MCCC1: variants seen among roughly 807,000 people sequenced by gnomAD.
The protein encoded by MCCC1 is methylcrotonyl-CoA carboxylase subunit 1, also known as methylcrotonoyl-CoA carboxylase subunit alpha, mitochondrial.
Under a neutral mutation model 83.8 loss-of-function variants are expected in MCCC1, and 64 were observed. That is an observed-to-expected ratio of 0.76 (90% CI 0.62 to 0.94). The LOEUF is 0.94. Among genes scored for constraint, MCCC1 ranks in the 40% least tolerant of loss-of-function variants. The probability of loss-of-function intolerance (pLI) is 0.00; values close to 1 mark genes in which losing one functional copy is unlikely to be tolerated. For synonymous variants in MCCC1, 322 were observed against 315.4 expected (o/e 1.02, Z -0.22); for missense variants, 807 against 904.7 (o/e 0.89, Z 1.39).
At position 183,099,390 on chromosome 3, in the gene MCCC1, G is replaced by A. The variant is rs557695078; in HGVS notation, c.51C>T (p.Asn17=). The change falls in exon 1 of 19, where the codon AAC becomes AAT. Residue 17 remains asparagine (N), a synonymous_variant. Coordinates refer to ENST00000265594, the MANE Select transcript of MCCC1 (RefSeq NM_020166.5). ...GCAGGCTCGGGAGACGATGCCACCG[G>A]TTCCTCTCCGCCGCCACCAGCAGCA... is the stretch of plus-strand genomic sequence containing the variant. ...VSVLLVAAER[N]RWHRLPSLLL... is the part of the protein sequence containing the mutation. 9 of 1,604,960 alleles carry A rather than the reference G, an allele frequency of 5.6e-6. No individual in the cohort carries two copies. In the South Asian group the frequency reaches 1.0e-4, roughly 18 times the overall value.
At position 183,099,447 on chromosome 3, in the gene MCCC1, G is replaced by A. The variant is rs773555749; in HGVS notation, c.-7C>T. ...CCGCAGAGGCCGCCGCCATGTCCCT[G>A]GAGCCCGGCCACTCCGTGACTCCCC... On this transcript the variant is annotated 5_prime_UTR_variant, in exon 1 of 19. Transcript: ENST00000265594. 46 of 1,601,728 alleles carry A rather than the reference G, an allele frequency of 2.9e-5. No individual in the cohort carries two copies. Among genetic ancestry groups the A allele is most frequent in the Non-Finnish European group, 3.8e-5 (45 of 1,175,170 alleles).
intron 9 of MCCC1, among the ~76,000 whole-genome samples, chr3:183,049,587 A>G (rs1408728311): frequency 6.6e-6 from 1 of 151,878 alleles, no homozygotes; most frequent in Non-Finnish European, 1.5e-5. Context: ...AAAAAAAAGA[A>G]AAAAGAAAAG....
At chr3:183,045,899 T>G (rs1287278083) in intron 9 of MCCC1, among the ~76,000 whole-genome samples, 1 of 152,178 alleles carries the variant, frequency 6.6e-6, no homozygotes, top group Non-Finnish European at 1.5e-5. Flanking sequence ...CCTAACCCCA[T>G]GGAGAAAAAG....
intron 7 of MCCC1, among the ~76,000 whole-genome samples, chr3:183,063,648 T>C (rs1716017056): frequency 6.6e-6 from 1 of 152,200 alleles, no homozygotes; most frequent in African/African-American, 2.4e-5. Flanking sequence ...CTTTACTGTA[T>C]GAACTCGCCC....
chr3:183,034,254 T>C (rs1200618038), intron 13 of MCCC1, among the ~76,000 whole-genome samples, 177 bp from the exon 14 acceptor site: 1 of 151,908 alleles, frequency 6.6e-6, no homozygotes, highest in Non-Finnish European at 1.5e-5. Flanking sequence ...ATCGAGACCA[T>C]CCTAGCTAAC....
intron 10 of MCCC1, among the ~76,000 whole-genome samples, chr3:183,043,821 CT>C (rs1448996580): frequency 1.3e-5 from 2 of 152,174 alleles, no homozygotes; most frequent in Non-Finnish European, 2.9e-5. Flanking sequence ...CCTTAGAAAC[CT>C]TTTTTTCTCT....
intron 9 of MCCC1, among the ~76,000 whole-genome samples, chr3:183,047,068 A>T (rs1714611457): frequency 6.6e-6 from 1 of 152,104 alleles, no homozygotes; most frequent in South Asian, 2.1e-4. Context: ...AAATCCTCCC[A>T]TGCTTCCAGC....
In MCCC1 at chr3:183,089,605, C is replaced by A. The variant is rs574756786; in HGVS notation, c.273+2804G>T. On this transcript the variant is annotated intron_variant, in intron 3 of 18. Coordinates refer to ENST00000265594, the MANE Select transcript of MCCC1 (RefSeq NM_020166.5). ...CTCCAGCCTAGCTGACAGAGTGAGA[C>A]CCTGGCTCAAAAAAAAAGGTGACTG... Among the ~76,000 whole-genome samples the A allele has an allele frequency of 2.8e-4, 43 of 151,686 alleles. No individual in the cohort carries two copies. The East Asian group carries it at 7.9e-3, about 28-fold the overall frequency.
At chr3:183,059,570 T>C (rs1331051270) in intron 7 of MCCC1, among the ~76,000 whole-genome samples, 2 of 152,162 alleles carry the variant, frequency 1.3e-5, no homozygotes, top group Non-Finnish European at 2.9e-5. Context: ...GATAGGAAAA[T>C]ATTTTACTTC....
chr3:183,062,650 C>T (rs1715932517), intron 7 of MCCC1, among the ~76,000 whole-genome samples: 1 of 151,862 alleles, frequency 6.6e-6, no homozygotes, highest in South Asian at 2.1e-4. Context: ...CCACTGTGCC[C>T]AGCCTTGTCT....
intron 14 of MCCC1, among the ~76,000 whole-genome samples, chr3:183,027,194 T>C (rs556527343): frequency 2.9e-4 from 44 of 152,332 alleles, no homozygotes; most frequent in African/African-American, 9.6e-4. Context: ...ATCAATATTG[T>C]GTGTGTTCTT....
chr3:183,085,102 T>A (rs1475299152), intron 4 of MCCC1, among the ~76,000 whole-genome samples: 1 of 152,122 alleles, frequency 6.6e-6, no homozygotes, highest in East Asian at 1.9e-4. Flanking sequence ...AAATGCGGAA[T>A]GATCAATGTG....
intron 16 of MCCC1, among the ~76,000 whole-genome samples, chr3:183,020,782 G>A (rs1004882111): frequency 2.6e-5 from 4 of 151,706 alleles, no homozygotes; most frequent in Non-Finnish European, 1.5e-5. Flanking sequence ...GATTTAGGCT[G>A]GGCGCCGTGG....
intron 16 of MCCC1, among the ~76,000 whole-genome samples, chr3:183,022,193 T>C (rs1005905377): frequency 6.6e-6 from 1 of 152,182 alleles, no homozygotes; most frequent in Non-Finnish European, 1.5e-5. Flanking sequence ...AAAATGGGTA[T>C]GTGTCTATCA....
intron 7 of MCCC1, among the ~76,000 whole-genome samples, chr3:183,062,350 GTTTTTT>G (rs71185626): frequency 1.2e-4 from 12 of 102,460 alleles, no homozygotes; most frequent in Admixed American, 4.4e-4. Flanking sequence ...TGTTTTTTCA[GTTTTTT>G]TTTTTTTTTT....
At chr3:183,030,084 G>T (rs986204659) in intron 14 of MCCC1, among the ~76,000 whole-genome samples, 2 of 152,150 alleles carry the variant, frequency 1.3e-5, no homozygotes, top group Non-Finnish European at 2.9e-5. Context: ...GAGGTGGGCG[G>T]ATAGCCTGAG....
intron 16 of MCCC1, among the ~76,000 whole-genome samples, chr3:183,020,496 G>A (rs1374773240): frequency 1.3e-5 from 2 of 152,074 alleles, no homozygotes; most frequent in Non-Finnish European, 2.9e-5. Context: ...GCCCAGTGTA[G>A]TGGTACGCGC....
intron 1 of MCCC1, 61 bp downstream of exon 1, chr3:183,099,291 C>T (rs189277585): frequency 2.0e-6 from 3 of 1,533,396 alleles, no homozygotes; most frequent in East Asian, 2.4e-5. Flanking sequence ...CCACCGCTCA[C>T]GCGGGTCCGT....
chr3:183,021,873 G>A (rs1712186632), intron 16 of MCCC1, among the ~76,000 whole-genome samples: 1 of 152,180 alleles, frequency 6.6e-6, no homozygotes, highest in African/African-American at 2.4e-5. Flanking sequence ...CGAAGGTTAA[G>A]GACTCACTGG....
Sources: gnomAD v4.1 joint callset for allele counts (sites outside exome capture counted in the v4.1 genomes callset) on GRCh38, gnomAD v4.1.1 for gene constraint, MANE v1.5 for transcripts, NCBI Gene and HGNC (gene_info 2026-07-23, HGNC 2026-07-21) for gene names.